HPSE2: variants seen among roughly 807,000 people sequenced by gnomAD.
HPSE2 encodes the protein inactive heparanase-2.
In HPSE2, 38 loss-of-function variants were observed where a neutral mutation model predicts 60.5. That is an observed-to-expected ratio of 0.63 (90% CI 0.48 to 0.82). HPSE2 has a LOEUF of 0.82. HPSE2 is among the 40% of genes least tolerant of loss of function. The pLI, the probability that HPSE2 is intolerant of heterozygous loss-of-function variation, is 0.00. For synonymous variants in HPSE2, 295 were observed against 293.2 expected, an observed-to-expected ratio of 1.01 and a Z score of -0.06; for missense variants, 713 against 740.4, an observed-to-expected ratio of 0.96 and a Z score of 0.43.
chr10:98,548,208 T>G (rs964528340), intron 9 of HPSE2, among the ~76,000 whole-genome samples: 1 of 152,106 alleles, frequency 6.6e-6, no homozygotes, highest in Non-Finnish European at 1.5e-5. Flanking sequence ...CTTATAAAAC[T>G]TTGGTTGTAA....
At chr10:98,570,445 T>C (rs1325936772) in intron 9 of HPSE2, among the ~76,000 whole-genome samples, 1 of 77,840 alleles carries the variant, frequency 1.3e-5, no homozygotes, top group Admixed American at 1.9e-4. Flanking sequence ...GGAAGTGTTT[T>C]TGTGGATTTT....
In HPSE2 at chr10:99,121,856, A is replaced by C. The variant is rs561465285; in HGVS notation, c.610+22382T>G. ...CATCATGACATCATTTATAATCATG[A>C]AAAATTAGAGACAACCATGAGAGCT... On this transcript the variant is annotated intron_variant, in intron 3 of 11. Transcript: ENST00000370552. 3.7e-4 allele frequency among the ~76,000 whole-genome samples: 56 copies of C among 152,314 alleles called. 1 individual carries two copies. In the East Asian group the frequency reaches 4.2e-3, roughly 12 times the overall value.
chr10:98,938,843 A>G lies in HPSE2; in HGVS notation c.611-194787T>C, dbSNP rs750290297. Among the ~76,000 whole-genome samples the G allele has an allele frequency of 3.5e-5, 5 of 144,208 alleles. 1 individual carries two copies. The highest frequency in any genetic ancestry group is 1.4e-4 in the Admixed American group (2 of 14,486). 94.6% of individuals were successfully genotyped at this position (144,208 alleles called of 152,430 possible). ...TTAAGGGCAGACAGAGAGAAAGGTC[A>G]GGTTACCCACAAAGGGAAGTCCATC... is the stretch of plus-strand genomic sequence containing the variant. On this transcript the variant is annotated intron_variant, in intron 3 of 11. Coordinates refer to ENST00000370552, the MANE Select transcript of HPSE2 (RefSeq NM_021828.5).
chr10:98,701,319 G>A (rs1213276302), intron 5 of HPSE2, among the ~76,000 whole-genome samples: 2 of 146,916 alleles, frequency 1.4e-5, no homozygotes, highest in Non-Finnish European at 3.0e-5. Context: ...CATAAAACAC[G>A]ATGAGTTCAT....
intron 9 of HPSE2, among the ~76,000 whole-genome samples, chr10:98,514,665 T>C (rs561851566): frequency 9.2e-5 from 14 of 151,516 alleles, no homozygotes; most frequent in Non-Finnish European, 2.1e-4. Context: ...GGTCACAGCA[T>C]CTGGATTTTC....
At chr10:98,905,111 C>T (rs1953773738) in intron 3 of HPSE2, among the ~76,000 whole-genome samples, 1 of 151,940 alleles carries the variant, frequency 6.6e-6, no homozygotes, top group South Asian at 2.1e-4. Context: ...GGGCTAAATG[C>T]TTGTATTTAT....
intron 3 of HPSE2, among the ~76,000 whole-genome samples, chr10:98,868,842 C>G (rs1952660002): frequency 6.6e-6 from 1 of 152,060 alleles, no homozygotes; most frequent in East Asian, 1.9e-4. Context: ...ATACTTCTCT[C>G]TTTGACTAAT....
At chr10:98,539,320 G>A (rs1395488805) in intron 9 of HPSE2, among the ~76,000 whole-genome samples, 1 of 152,084 alleles carries the variant, frequency 6.6e-6, no homozygotes, top group South Asian at 2.1e-4. Context: ...TTGGGAGTTC[G>A]AGACCAGCCT....
At chr10:98,542,981 C>A (rs1335247551) in intron 9 of HPSE2, among the ~76,000 whole-genome samples, 7 of 152,082 alleles carry the variant, frequency 4.6e-5, no homozygotes, top group African/African-American at 1.7e-4. Context: ...CAGAGAATGC[C>A]ACAAAGATAC....
At chr10:99,220,854 CTTTTTTT>C (rs1210143115) in intron 2 of HPSE2, among the ~76,000 whole-genome samples, 1 of 88,654 alleles carries the variant, frequency 1.1e-5, no homozygotes, top group Admixed American at 1.3e-4. Flanking sequence ...GAGGCTTTCA[CTTTTTTT>C]TTTTTTTTTT....
intron 9 of HPSE2, among the ~76,000 whole-genome samples, chr10:98,509,178 G>A (rs760328341): frequency 1.3e-5 from 2 of 152,008 alleles, no homozygotes; most frequent in Non-Finnish European, 2.9e-5. Flanking sequence ...GCTGGGCATA[G>A]TGGTGTGCAC....
chr10:98,762,850 T>C (rs1950036802), intron 3 of HPSE2, among the ~76,000 whole-genome samples: 1 of 151,940 alleles, frequency 6.6e-6, no homozygotes, highest in African/African-American at 2.4e-5. Context: ...GAAAAGACAA[T>C]CAGCAGAGGA....
chr10:98,700,381 C>A (rs368414323), intron 5 of HPSE2, among the ~76,000 whole-genome samples: 16 of 137,476 alleles, frequency 1.2e-4, no homozygotes, highest in East Asian at 2.3e-4. Flanking sequence ...CTGAGAAAAA[C>A]AAGCAATGGG....
chr10:98,792,050 A>C (rs973903761), intron 3 of HPSE2, among the ~76,000 whole-genome samples: 2 of 152,200 alleles, frequency 1.3e-5, no homozygotes, highest in African/African-American at 4.8e-5. Flanking sequence ...GCGCATTATT[A>C]TCTCTGCTTT....
intron 9 of HPSE2, among the ~76,000 whole-genome samples, chr10:98,492,665 T>C (rs971695454): frequency 6.6e-6 from 1 of 152,200 alleles, no homozygotes; most frequent in Admixed American, 6.5e-5. Flanking sequence ...TGCTTTTCAA[T>C]AGGAGATAGC....
intron 3 of HPSE2, among the ~76,000 whole-genome samples, chr10:99,037,381 T>C (rs1175885576): frequency 6.6e-6 from 1 of 152,058 alleles, no homozygotes; most frequent in Non-Finnish European, 1.5e-5. Context: ...TTATACAAGA[T>C]TATATTGGGG....
At chr10:98,607,089 C>T (rs951721883) in intron 9 of HPSE2, among the ~76,000 whole-genome samples, 8 of 137,626 alleles carry the variant, frequency 5.8e-5, no homozygotes, top group Non-Finnish European at 1.1e-4. Flanking sequence ...CTCCCTCCCT[C>T]CCTCCCTCTC....
At chr10:98,822,126 A>G (rs1951439412) in intron 3 of HPSE2, among the ~76,000 whole-genome samples, 1 of 152,212 alleles carries the variant, frequency 6.6e-6, no homozygotes, top group African/African-American at 2.4e-5. Context: ...GATAAATTTT[A>G]TAAAGCAGTA....
At chr10:99,221,858 A>T (rs1308910972) in intron 2 of HPSE2, among the ~76,000 whole-genome samples, 3 of 152,128 alleles carry the variant, frequency 2.0e-5, no homozygotes, top group Admixed American at 6.5e-5. Context: ...GAAAGCTCAA[A>T]AACTTGAGCT....
Sources: gnomAD v4.1 joint callset for allele counts (sites outside exome capture counted in the v4.1 genomes callset) on GRCh38, gnomAD v4.1.1 for gene constraint, MANE v1.5 for transcripts, NCBI Gene and HGNC (gene_info 2026-07-23, HGNC 2026-07-21) for gene names.